Variants in CELF2 observed in about 807,000 individuals in gnomAD.
The protein encoded by CELF2 is CUG triplet repeat RNA-binding protein 2.
A neutral mutation model predicts 62.6 loss-of-function variants in CELF2; 8 were observed. The observed-to-expected ratio is 0.13, with a 90% CI of 0.07 to 0.23. The LOEUF (loss-of-function observed/expected upper bound fraction) is 0.23. Among genes scored for constraint, CELF2 ranks in the 10% least tolerant of loss-of-function variants. The probability of loss-of-function intolerance (pLI) is 1.00; values close to 1 mark genes in which losing one functional copy is unlikely to be tolerated. For synonymous variants in CELF2, 258 were observed against 250.0 expected (o/e 1.03, Z -0.30); for missense variants, 333 against 671.0 (o/e 0.50, Z 5.56).
chr10:10,480,364 T>G, the CELF2 span, among the ~76,000 whole-genome samples: 1 of 152,068 alleles, frequency 6.6e-6, no homozygotes, highest in Non-Finnish European at 1.5e-5. Flanking sequence ...GAGAGTCAGC[T>G]CCCCTTATCT....
chr10:10,967,639 G>A (rs2050273172), intron 2 of CELF2, among the ~76,000 whole-genome samples: 1 of 152,188 alleles, frequency 6.6e-6, no homozygotes, highest in Admixed American at 6.5e-5. Flanking sequence ...GAAACATACA[G>A]CAAGGCTGCT....
chr10:10,834,668 C>T (rs1470872716), intron 1 of CELF2, among the ~76,000 whole-genome samples: 1 of 152,202 alleles, frequency 6.6e-6, no homozygotes, highest in Non-Finnish European at 1.5e-5. Context: ...AATTTTTTTA[C>T]CTGACCCCAA....
At chr10:10,853,639 A>T (rs2059528492) in intron 1 of CELF2, among the ~76,000 whole-genome samples, 1 of 151,356 alleles carries the variant, frequency 6.6e-6, no homozygotes, top group East Asian at 1.9e-4. Flanking sequence ...AAAGTCCAAT[A>T]GAAAAAAAAA....
chr10:10,803,817 CAATG>C (rs757300310), intron 1 of CELF2, among the ~76,000 whole-genome samples: 2 of 152,204 alleles, frequency 1.3e-5, no homozygotes, highest in South Asian at 2.1e-4. Flanking sequence ...TAGCACACGA[CAATG>C]AATGAATGAA....
At chr10:10,641,076 C>T in the CELF2 span, among the ~76,000 whole-genome samples, 2 of 152,198 alleles carry the variant, frequency 1.3e-5, no homozygotes, top group African/African-American at 4.8e-5. Context: ...GTATGTCAGT[C>T]AGTCCTAACT....
the CELF2 span, among the ~76,000 whole-genome samples, chr10:10,788,355 G>A: frequency 1.3e-5 from 2 of 149,366 alleles, no homozygotes; most frequent in South Asian, 4.3e-4. Context: ...AGAAATATAT[G>A]GAAATAACTT....
At chr10:11,047,122 A>G (rs2062998096) in intron 1 of CELF2, among the ~76,000 whole-genome samples, 1 of 152,126 alleles carries the variant, frequency 6.6e-6, no homozygotes, top group Admixed American at 6.5e-5. Flanking sequence ...CCTTCATGAA[A>G]ACAGATAAAA....
chr10:10,792,932 C>A, the CELF2 span, among the ~76,000 whole-genome samples: 1 of 152,300 alleles, frequency 6.6e-6, no homozygotes, highest in East Asian at 1.9e-4. Context: ...ATCCAACATT[C>A]CCCTTCCCCT....
chr10:11,189,340 A>G (rs1037158368), intron 2 of CELF2, among the ~76,000 whole-genome samples: 2 of 152,184 alleles, frequency 1.3e-5, no homozygotes, highest in African/African-American at 4.8e-5. Flanking sequence ...TTTCTATTTA[A>G]AGTGCATTTA....
Position 11,225,154 on chromosome 10 carries a change from C to G in CELF2, c.354+7647C>G, listed in dbSNP as rs141083502. Reference sequence around the variant, plus strand: ...ATTTCAGGCCCGTACCCTCACCACTCTCACTGCCCACCAGCCGCAGAGATG... The same window carrying G: ...ATTTCAGGCCCGTACCCTCACCACTGTCACTGCCCACCAGCCGCAGAGATG... On this transcript the variant is annotated intron_variant, in intron 3 of 12. Transcript: ENST00000633077. 9.0e-3 allele frequency among the ~76,000 whole-genome samples: 1,373 copies of G among 152,254 alleles called. 83 individuals carry two copies. The highest frequency in any genetic ancestry group is 0.08 in the Admixed American group (1,218 of 15,292).
At chr10:10,868,520 C>T (rs2060525344) in intron 1 of CELF2, among the ~76,000 whole-genome samples, 1 of 152,218 alleles carries the variant, frequency 6.6e-6, no homozygotes, top group South Asian at 2.1e-4. Context: ...AATTACAGAG[C>T]CTAACCAGGT....
chr10:10,939,339 T>TA (rs2046787924), intron 2 of CELF2, among the ~76,000 whole-genome samples: 1 of 152,132 alleles, frequency 6.6e-6, no homozygotes, highest in Admixed American at 6.5e-5. Context: ...CAGGCTGGAA[T>TA]GCAGTGGTGT....
chr10:10,976,437 T>C (rs1441511664), intron 2 of CELF2, among the ~76,000 whole-genome samples: 1 of 151,766 alleles, frequency 6.6e-6, no homozygotes, highest in Non-Finnish European at 1.5e-5. Context: ...TATATCTTCA[T>C]GAAATTAGTA....
In CELF2 at chr10:11,334,090, G is replaced by GT. The variant is rs1350599437; in HGVS notation, c.*5038dup. The GT allele has an allele frequency of 6.6e-6, 1 of 152,530 alleles. No individual in the cohort carries two copies. 9.4% of individuals were successfully genotyped at this position (152,530 alleles called of 1,614,324 possible). ...AGAATTTTGTCTTAAAATAACAGCG[G>GT]TAAGTTTCACTTTTTATTCTGTATT... is the stretch of plus-strand genomic sequence containing the variant. On this transcript the variant is annotated 3_prime_UTR_variant, in exon 13 of 13. Transcript: ENST00000633077.
chr10:11,053,113 C>G (rs1257063640), intron 1 of CELF2, among the ~76,000 whole-genome samples: 2 of 152,076 alleles, frequency 1.3e-5, no homozygotes, highest in African/African-American at 4.8e-5. Context: ...TAAAGGAGAC[C>G]TGCAGAAGAA....
the CELF2 span, among the ~76,000 whole-genome samples, chr10:10,522,309 A>G: frequency 7.9e-5 from 12 of 152,202 alleles, no homozygotes; most frequent in Non-Finnish European, 1.8e-4. Flanking sequence ...AACATTAGGA[A>G]ATATTGAGCC....
At chr10:10,864,960 A>T (rs1564737000) in intron 1 of CELF2, among the ~76,000 whole-genome samples, 1 of 152,184 alleles carries the variant, frequency 6.6e-6, no homozygotes, top group Non-Finnish European at 1.5e-5. Context: ...AAATAAAAGA[A>T]CCTTGGGTAT....
intron 8 of CELF2, among the ~76,000 whole-genome samples, chr10:11,281,601 A>C (rs1420288657): frequency 6.6e-6 from 1 of 152,068 alleles, no homozygotes; most frequent in African/African-American, 2.4e-5. Context: ...TTTCCTACAA[A>C]AGTTAGCTGG....
intron 1 of CELF2, among the ~76,000 whole-genome samples, chr10:11,037,403 C>T (rs1022659037): frequency 4.6e-5 from 7 of 152,230 alleles, no homozygotes; most frequent in South Asian, 2.1e-4. Context: ...CAAACCATAT[C>T]GACCACTGTA....
Sources: gnomAD v4.1 joint callset for allele counts (sites outside exome capture counted in the v4.1 genomes callset) on GRCh38, gnomAD v4.1.1 for gene constraint, MANE v1.5 for transcripts, NCBI Gene and HGNC (gene_info 2026-07-23, HGNC 2026-07-21) for gene names.